Variants in STK39 observed in about 807,000 individuals in gnomAD.
STK39 encodes the protein serine/threonine kinase 39.
Under a neutral mutation model 77.8 loss-of-function variants are expected in STK39, and 20 were observed. That is an observed-to-expected ratio of 0.26 (90% CI 0.18 to 0.37). The LOEUF (loss-of-function observed/expected upper bound fraction) is 0.37, where lower values mean the gene tolerates loss of function less well. Among genes scored for constraint, STK39 ranks in the 10% least tolerant of loss-of-function variants. The pLI is 1.00. For missense variants in STK39, 479 were observed against 656.5 expected (o/e 0.73, Z 2.95); for synonymous variants, 246 against 234.1 (o/e 1.05, Z -0.47).
intron 10 of STK39, among the ~76,000 whole-genome samples, chr2:168,085,585 TG>T (rs1446491458): frequency 6.6e-6 from 1 of 152,254 alleles, no homozygotes. Context: ...AGCCTAAGCC[TG>T]GAGCTGCCAC....
At chr2:168,097,109 T>G (rs1034789143) in intron 10 of STK39, among the ~76,000 whole-genome samples, 2 of 152,226 alleles carry the variant, frequency 1.3e-5, no homozygotes, top group Admixed American at 1.3e-4. Flanking sequence ...ACCAACACTC[T>G]GAAACAATTC....
chr2:168,047,038 G>GA (rs930711488), intron 14 of STK39, among the ~76,000 whole-genome samples: 3 of 151,776 alleles, frequency 2.0e-5, no homozygotes, highest in Non-Finnish European at 4.4e-5. Context: ...AAAAAAAAAG[G>GA]AAAAAAAGAG....
intron 1 of STK39, among the ~76,000 whole-genome samples, chr2:168,204,810 C>T (rs1689700546): frequency 6.6e-6 from 1 of 152,200 alleles, no homozygotes; most frequent in Non-Finnish European, 1.5e-5. Flanking sequence ...ACATTTAACT[C>T]TATTCCAAGG....
intron 7 of STK39, 149 bp from the exon 8 acceptor site, chr2:168,138,370 A>C: frequency 8.9e-7 from 1 of 1,127,104 alleles, no homozygotes; most frequent in Non-Finnish European, 1.2e-6. Context: ...TTGTGTATTT[A>C]AAGTATTCAT....
rs770757650 is a variant in STK39 at position 168,129,508 on chromosome 2, T to A, written c.1089+33A>T. 3.7e-6 allele frequency: 6 copies of A among 1,611,414 alleles called. No homozygotes were observed. The Admixed American group carries it at 8.4e-5, about 23-fold the overall frequency. ...GGGTTTCATTTCCCTGGGGATTGGTTCCTACAGGGTCATGAAGGCTAATGG... is the reference window on the plus strand; with the variant it reads ...GGGTTTCATTTCCCTGGGGATTGGTACCTACAGGGTCATGAAGGCTAATGG... On this transcript the variant is annotated intron_variant, in intron 10 of 17. Coordinates refer to ENST00000355999, the MANE Select transcript of STK39 (RefSeq NM_013233.3).
rs184602929 is a variant in STK39 at position 168,246,595 on chromosome 2, C to T, written c.208+633G>A. ...GCACGGAGGGAGGCGGGTACCCGGGCGCGCCGAGTGGCGCGGAGAGCCGGG... is the reference window on the plus strand; with the variant it reads ...GCACGGAGGGAGGCGGGTACCCGGGTGCGCCGAGTGGCGCGGAGAGCCGGG... On this transcript the variant is annotated intron_variant, in intron 1 of 17. Transcript: ENST00000355999. Among the ~76,000 whole-genome samples the T allele has an allele frequency of 2.4e-3, 360 of 152,286 alleles. 2 individuals are homozygous for T. Among genetic ancestry groups the T allele is most frequent in the African/African-American group, 8.0e-3 (334 of 41,568 alleles).
intron 16 of STK39, among the ~76,000 whole-genome samples, chr2:167,979,670 T>C (rs1475891890): frequency 2.6e-5 from 4 of 152,344 alleles, no homozygotes; most frequent in South Asian, 2.1e-4. Flanking sequence ...AAAACATACA[T>C]AGAGGCATCA....
chr2:168,011,072 C>T (rs536355076), intron 16 of STK39, among the ~76,000 whole-genome samples: 9 of 152,180 alleles, frequency 5.9e-5, no homozygotes, highest in African/African-American at 4.8e-5. Flanking sequence ...CCAAGGCAGG[C>T]GGATCACTTG....
intron 1 of STK39, among the ~76,000 whole-genome samples, chr2:168,191,968 G>A (rs953332180): frequency 4.6e-5 from 7 of 152,060 alleles, no homozygotes; most frequent in Admixed American, 4.6e-4. Context: ...CTACAGGGCT[G>A]GGACCCTGAC....
At chr2:168,161,525 G>A (rs1688572542) in intron 5 of STK39, among the ~76,000 whole-genome samples, 1 of 152,042 alleles carries the variant, frequency 6.6e-6, no homozygotes, top group South Asian at 2.1e-4. Flanking sequence ...AAATGTGAAA[G>A]GTAGAAAACA....
At chr2:168,095,623 C>CTTTCT (rs1553522209) in intron 10 of STK39, among the ~76,000 whole-genome samples, 1 of 116,074 alleles carries the variant, frequency 8.6e-6, no homozygotes, top group African/African-American at 3.5e-5. Flanking sequence ...GTATCTCTTT[C>CTTTCT]TTTTTTTTTT....
chr2:168,095,170 T>G (rs535347837), intron 10 of STK39, among the ~76,000 whole-genome samples: 18 of 152,322 alleles, frequency 1.2e-4, no homozygotes, highest in African/African-American at 4.1e-4. Context: ...CTTCTACAGT[T>G]GCTTCTCTGC....
At chr2:168,157,341 G>C (rs1347471588) in intron 5 of STK39, among the ~76,000 whole-genome samples, 2 of 152,282 alleles carry the variant, frequency 1.3e-5, no homozygotes, top group South Asian at 4.1e-4. Context: ...AGAGTTCCAG[G>C]CTGCTTTCGC....
At chr2:168,172,749 T>A (rs10190610) in intron 2 of STK39, among the ~76,000 whole-genome samples, 3 of 152,056 alleles carry the variant, frequency 2.0e-5, no homozygotes, top group African/African-American at 7.2e-5. Flanking sequence ...CTTATGTAAA[T>A]CCTAAATAAA....
At chr2:168,031,025 G>T (rs1382877407) in intron 14 of STK39, among the ~76,000 whole-genome samples, 1 of 152,100 alleles carries the variant, frequency 6.6e-6, no homozygotes, top group Non-Finnish European at 1.5e-5. Context: ...AAGGCAAAAA[G>T]AAAGAAAAAA....
At chr2:168,224,030 AAC>A (rs777181672) in intron 1 of STK39, among the ~76,000 whole-genome samples, 107 of 152,254 alleles carry the variant, frequency 7.0e-4, no homozygotes, top group Non-Finnish European at 1.5e-4. Context: ...TACACACATA[AAC>A]ACACAAATAT....
At chr2:168,122,117 G>C (rs1687423278) in intron 10 of STK39, among the ~76,000 whole-genome samples, 1 of 152,166 alleles carries the variant, frequency 6.6e-6, no homozygotes, top group African/African-American at 2.4e-5. Flanking sequence ...TTGGTGTACA[G>C]ATTATTTCAT....
At chr2:168,197,079 C>T (rs938023987) in intron 1 of STK39, among the ~76,000 whole-genome samples, 4 of 152,100 alleles carry the variant, frequency 2.6e-5, no homozygotes, top group Non-Finnish European at 5.9e-5. Flanking sequence ...TAAGATTGTA[C>T]GCAGGGCAAG....
intron 8 of STK39, 26 bp from the exon 9 acceptor site, chr2:168,129,784 T>G: frequency 6.2e-7 from 1 of 1,611,974 alleles, no homozygotes; most frequent in Non-Finnish European, 8.5e-7. Context: ...TAAATTAGAG[T>G]TGAAACAATG....
Sources: allele counts gnomAD v4.1 joint callset (sites outside exome capture counted in the v4.1 genomes callset), GRCh38; gene constraint gnomAD v4.1.1; transcripts MANE v1.5; gene names NCBI Gene and HGNC (gene_info 2026-07-23, HGNC 2026-07-21).